RABEP1: variants seen among roughly 807,000 people sequenced by gnomAD.
RABEP1 encodes rabaptin, RAB GTPase binding effector protein 1, also known as rab GTPase-binding effector protein 1.
Under a neutral mutation model 123.4 loss-of-function variants are expected in RABEP1, and 51 were observed. The observed-to-expected ratio is 0.41, with a 90% CI of 0.33 to 0.52. The LOEUF (loss-of-function observed/expected upper bound fraction) is 0.52, where lower values mean the gene tolerates loss of function less well. Among genes scored for constraint, RABEP1 ranks in the 20% least tolerant of loss-of-function variants. The probability of loss-of-function intolerance (pLI) is 0.16; values close to 1 mark genes in which losing one functional copy is unlikely to be tolerated. For synonymous variants in RABEP1, 347 were observed against 355.2 expected, an observed-to-expected ratio of 0.98 and a Z score of 0.26; for missense variants, 888 against 996.3, an observed-to-expected ratio of 0.89 and a Z score of 1.46.
chr17:5,346,430 C>T (rs1908068007), intron 5 of RABEP1, among the ~76,000 whole-genome samples: 1 of 152,138 alleles, frequency 6.6e-6, no homozygotes, highest in South Asian at 2.1e-4. Flanking sequence ...AAATTAACTA[C>T]CGATTTAAAA....
chr17:5,292,176 G>A (rs1445074777), intron 1 of RABEP1, among the ~76,000 whole-genome samples: 2 of 152,116 alleles, frequency 1.3e-5, no homozygotes, highest in Non-Finnish European at 2.9e-5. Context: ...CTTCATCCTT[G>A]TCAACGTGAA....
intron 1 of RABEP1, among the ~76,000 whole-genome samples, chr17:5,303,651 A>G (rs996921291): frequency 6.6e-6 from 1 of 152,222 alleles, no homozygotes; most frequent in Non-Finnish European, 1.5e-5. Context: ...AAATTGATTG[A>G]AATAGGTGTT....
intron 14 of RABEP1, 51 bp downstream of exon 14, chr17:5,377,356 T>C (rs749513573): frequency 7.5e-6 from 11 of 1,467,884 alleles, no homozygotes; most frequent in Middle Eastern, 4.1e-4. Flanking sequence ...AATAAAACTT[T>C]AGTAAAAGAA....
chr17:5,369,069 A>G (rs1166598951), intron 12 of RABEP1, among the ~76,000 whole-genome samples: 1 of 152,174 alleles, frequency 6.6e-6, no homozygotes, highest in Non-Finnish European at 1.5e-5. Context: ...AGATCGCGCC[A>G]CTGCACTCCA....
chr17:5,357,355 T>G (rs902348105), intron 8 of RABEP1, among the ~76,000 whole-genome samples: 12 of 152,074 alleles, frequency 7.9e-5, no homozygotes, highest in Admixed American at 2.0e-4. Flanking sequence ...TTTAACCAAT[T>G]CCCTACTAAT....
rs748640279 is a variant in RABEP1 at position 5,379,835 on chromosome 17, G to A, written c.2272-529G>A. On this transcript the variant is annotated intron_variant, in intron 15 of 17. Coordinates refer to ENST00000537505, the MANE Select transcript of RABEP1 (RefSeq NM_004703.6). ...AGTTCCCTTTATTTTACAGGATCAAGTCCATATCCTTAGCCCAGCCAGAGC... is the reference window on the plus strand; with the variant it reads ...AGTTCCCTTTATTTTACAGGATCAAATCCATATCCTTAGCCCAGCCAGAGC... Among the ~76,000 whole-genome samples the A allele has an allele frequency of 1.8e-4, 27 of 152,250 alleles. 1 individual carries two copies. Among genetic ancestry groups the A allele is most frequent in the Non-Finnish European group, 1.6e-4 (11 of 68,018 alleles).
At chr17:5,285,519 C>G (rs886970981) in intron 1 of RABEP1, among the ~76,000 whole-genome samples, 4 of 152,092 alleles carry the variant, frequency 2.6e-5, no homozygotes, top group Admixed American at 2.0e-4. Flanking sequence ...TACCTTTTAC[C>G]CCTGAAGGAC....
chr17:5,352,654 A>C (rs1908658072), intron 7 of RABEP1, among the ~76,000 whole-genome samples: 1 of 151,776 alleles, frequency 6.6e-6, no homozygotes, highest in Admixed American at 6.6e-5. Flanking sequence ...AACTTGGCGG[A>C]ACCCCACCTC....
chr17:5,327,545 G>A (rs1288939901), intron 2 of RABEP1, among the ~76,000 whole-genome samples: 10 of 152,070 alleles, frequency 6.6e-5, no homozygotes, highest in Non-Finnish European at 8.8e-5. Flanking sequence ...TTTTGCATGT[G>A]ACTATGTGTC....
rs940957136 is a variant in RABEP1, at chr17:5,369,787, T to G, written c.1884+1319T>G. Among the ~76,000 whole-genome samples the G allele has an allele frequency of 9.2e-5, 14 of 151,850 alleles. No homozygotes were observed. The South Asian group carries it at 2.9e-3, about 32-fold the overall frequency. On this transcript the variant is annotated intron_variant, in intron 12 of 17. Transcript: ENST00000537505. Reference sequence around the variant, plus strand: ...GCAATCTCGGCTCACTGCAACCTCCTCCTCCTGGGTTCAAGTGATTCTCCT... The same window carrying G: ...GCAATCTCGGCTCACTGCAACCTCCGCCTCCTGGGTTCAAGTGATTCTCCT...
Position 5,383,340 on chromosome 17 carries a change from G to A in RABEP1, c.*117G>A, listed in dbSNP as rs564876610. 1.2e-5 allele frequency: 10 copies of A among 821,550 alleles called. No individual in the cohort carries two copies. Among genetic ancestry groups the A allele is most frequent in the Non-Finnish European group, 1.8e-5 (9 of 505,018 alleles). The allele number at this position is 821,550 out of a possible 1,614,324, so 50.9% of individuals were successfully genotyped here. Reference sequence around the variant, plus strand: ...GAGAAGTCACAACAAAAGGAAGACTGGAGAAATGCTTACTTCTAGAGGGAG... The same window carrying A: ...GAGAAGTCACAACAAAAGGAAGACTAGAGAAATGCTTACTTCTAGAGGGAG... On this transcript the variant is annotated 3_prime_UTR_variant, in exon 18 of 18. Transcript: ENST00000537505.
chr17:5,380,979 A>G lies in RABEP1; in HGVS notation c.2371-410A>G, dbSNP rs79364278. 5.5e-4 allele frequency among the ~76,000 whole-genome samples: 84 copies of G among 152,276 alleles called. No individual in the cohort carries two copies. The East Asian group carries it at 0.015, about 28-fold the overall frequency. ...ACACATCCTGCTGGTTTTCTGTAAG[A>G]GAGACTGGGGATAGCTGGGGCGTAT... On this transcript the variant is annotated intron_variant, in intron 16 of 17. Transcript: ENST00000537505.
chr17:5,290,464 CCT>C (rs1276657624), intron 1 of RABEP1, among the ~76,000 whole-genome samples: 1 of 151,984 alleles, frequency 6.6e-6, no homozygotes, highest in African/African-American at 2.4e-5. Context: ...ACTGTGCTTC[CCT>C]CTCTTGTTTA....
chr17:5,360,504 G>A (rs1909416298), intron 8 of RABEP1, among the ~76,000 whole-genome samples: 2 of 152,276 alleles, frequency 1.3e-5, no homozygotes, highest in Non-Finnish European at 2.9e-5. Context: ...GGAGCTTGCA[G>A]TGAGCGGAGA....
intron 10 of RABEP1, among the ~76,000 whole-genome samples, chr17:5,364,073 G>A (rs1391941098): frequency 6.6e-6 from 1 of 152,204 alleles, no homozygotes; most frequent in Non-Finnish European, 1.5e-5. Context: ...TTGCTATTGA[G>A]TTCCTTCATA....
chr17:5,359,265 G>A (rs532922561), intron 8 of RABEP1, among the ~76,000 whole-genome samples: 10 of 152,104 alleles, frequency 6.6e-5, no homozygotes, highest in African/African-American at 1.9e-4. Flanking sequence ...TAATAGAGAC[G>A]GGGTTTCACC....
Position 5,375,284 on chromosome 17 carries a change from T to C in RABEP1, c.2025+1830T>C, listed in dbSNP as rs79995943. Among the ~76,000 whole-genome samples, 195 of 152,284 alleles carry C rather than the reference T, an allele frequency of 1.3e-3. 1 individual carries two copies. The East Asian group carries it at 0.033, about 26-fold the overall frequency. Reference sequence around the variant, plus strand: ...AAAAACCAGTTGCCTATCTTGCCATTAGCTCTTTGCTGTCTCCCACCTTTC... The same window carrying C: ...AAAAACCAGTTGCCTATCTTGCCATCAGCTCTTTGCTGTCTCCCACCTTTC... On this transcript the variant is annotated intron_variant, in intron 13 of 17. Coordinates refer to ENST00000537505, the MANE Select transcript of RABEP1 (RefSeq NM_004703.6).
intron 2 of RABEP1, among the ~76,000 whole-genome samples, chr17:5,326,107 A>G (rs1163661253): frequency 6.6e-6 from 1 of 152,206 alleles, no homozygotes; most frequent in Admixed American, 6.5e-5. Flanking sequence ...AAAACTAGGC[A>G]TACTCTTGCC....
intron 15 of RABEP1, 88 bp downstream of exon 15, chr17:5,378,320 G>A (rs1455606953): frequency 7.9e-7 from 1 of 1,267,552 alleles, no homozygotes; most frequent in Non-Finnish European, 1.2e-6. Context: ...ATAAAAAATA[G>A]TTAAGGCATG....
Sources: allele counts gnomAD v4.1 joint callset (sites outside exome capture counted in the v4.1 genomes callset), GRCh38; gene constraint gnomAD v4.1.1; transcripts MANE v1.5; gene names NCBI Gene and HGNC (gene_info 2026-07-23, HGNC 2026-07-21).